Variants in ZNF521 observed in about 807,000 individuals in gnomAD.
ZNF521 encodes LYST-interacting protein 3.
ZNF521 carries 14 observed loss-of-function variants against 105.5 expected under a neutral mutation model. The observed-to-expected ratio is 0.13, with a 90% CI of 0.09 to 0.21. ZNF521 has a LOEUF of 0.21. Among genes scored for constraint, ZNF521 ranks in the 10% least tolerant of loss-of-function variants. The pLI is 1.00. For missense variants in ZNF521, 1,233 were observed against 1,629.7 expected (o/e 0.76, Z 4.19); for synonymous variants, 635 against 606.0 (o/e 1.05, Z -0.70).
At chr18:25,137,901 T>TTA (rs2034767389) in intron 5 of ZNF521, among the ~76,000 whole-genome samples, 1 of 152,196 alleles carries the variant, frequency 6.6e-6, no homozygotes, top group Non-Finnish European at 1.5e-5. Flanking sequence ...CAGCACTGTT[T>TTA]TACTAAAAGC....
intron 3 of ZNF521, among the ~76,000 whole-genome samples, chr18:25,273,220 CAAAAAAAAAA>C (rs67381140): frequency 0.086 from 3,528 of 40,926 alleles, 156 homozygotes; most frequent in African/African-American, 0.18. Context: ...ACCCTGTCTC[CAAAAAAAAAA>C]AAAAAAAAAA....
intron 5 of ZNF521, among the ~76,000 whole-genome samples, chr18:25,099,185 A>G (rs985057578): frequency 6.6e-6 from 1 of 152,180 alleles, no homozygotes; most frequent in African/African-American, 2.4e-5. Flanking sequence ...CTCAATAAAT[A>G]TTTATTGAAT....
chr18:25,124,805 G>A (rs1255946611), intron 5 of ZNF521, among the ~76,000 whole-genome samples: 1 of 152,158 alleles, frequency 6.6e-6, no homozygotes, highest in Non-Finnish European at 1.5e-5. Context: ...CTCTAACAGT[G>A]TTGATACAGC....
At chr18:25,116,886 T>C (rs868702574) in intron 5 of ZNF521, among the ~76,000 whole-genome samples, 185 of 43,236 alleles carry the variant, frequency 4.3e-3, no homozygotes, top group Admixed American at 7.7e-3. Flanking sequence ...TATATATATA[T>C]ACGTATATAT....
Position 25,139,372 on chromosome 18 carries a change from C to CAAAAAAAAAAAAAAAAAAAAAAAAAAA in ZNF521, c.3659-47318_3659-47292dup, listed in dbSNP as rs36175281. Among the ~76,000 whole-genome samples, 11 of 51,388 alleles carry CAAAAAAAAAAAAAAAAAAAAAAAAAAA rather than the reference C, an allele frequency of 2.1e-4. 1 individual carries two copies. The highest frequency in any genetic ancestry group is 3.4e-4 in the Non-Finnish European group (10 of 29,418). 33.7% of individuals were successfully genotyped at this position (51,388 alleles called of 152,430 possible). On this transcript the variant is annotated intron_variant, in intron 5 of 7. Coordinates refer to ENST00000361524, the MANE Select transcript of ZNF521 (RefSeq NM_015461.3). ...TGGGCGACAGAGCAAGACTCTGTCT[C>CAAAAAAAAAAAAAAAAAAAAAAAAAAA]AAAAAAAAAAAAAAAAAAAAAAAAA... is the stretch of plus-strand genomic sequence containing the variant.
At chr18:25,163,766 C>T (rs1160844390) in intron 5 of ZNF521, among the ~76,000 whole-genome samples, 1 of 152,114 alleles carries the variant, frequency 6.6e-6, no homozygotes. Flanking sequence ...TGCTGTGTTG[C>T]AGGTATGGGG....
At chr18:25,125,021 A>G (rs189914603) in intron 5 of ZNF521, among the ~76,000 whole-genome samples, 3 of 152,268 alleles carry the variant, frequency 2.0e-5, no homozygotes, top group East Asian at 1.9e-4. Flanking sequence ...AGTATATATA[A>G]AAGTGATTTC....
At chr18:25,205,995 T>A (rs531473703) in intron 4 of ZNF521, among the ~76,000 whole-genome samples, 1 of 152,048 alleles carries the variant, frequency 6.6e-6, no homozygotes, top group African/African-American at 2.4e-5. Flanking sequence ...TCATTTTTTT[T>A]TAATTTGTTT....
In ZNF521 at chr18:25,198,062, C is replaced by T. The variant is rs927175259; in HGVS notation, c.3574-2818G>A. Reference sequence around the variant, plus strand: ...TCCATTGTTTGGGCCCCAGATTGGCCTTTATCAACGCTTAAGTTGTCAATT... The same window carrying T: ...TCCATTGTTTGGGCCCCAGATTGGCTTTTATCAACGCTTAAGTTGTCAATT... On this transcript the variant is annotated intron_variant, in intron 4 of 7. Transcript: ENST00000361524. Among the ~76,000 whole-genome samples the T allele has an allele frequency of 2.6e-5, 4 of 151,774 alleles. No individual in the cohort carries two copies. In the South Asian group the frequency reaches 8.3e-4, roughly 31 times the overall value.
chr18:25,099,978 T>C (rs4306594), intron 5 of ZNF521, among the ~76,000 whole-genome samples: 152,219 of 152,338 alleles, frequency 1, 76,050 homozygotes, highest in Middle Eastern at 1. Flanking sequence ...TTCCACACAG[T>C]GGGGGGCCCG....
chr18:25,179,945 A>G (rs2035602327), intron 5 of ZNF521, among the ~76,000 whole-genome samples: 1 of 152,224 alleles, frequency 6.6e-6, no homozygotes, highest in Non-Finnish European at 1.5e-5. Flanking sequence ...TTACTGACAG[A>G]AAATCTGAAT....
chr18:25,190,820 G>A (rs1315876902), intron 5 of ZNF521, among the ~76,000 whole-genome samples: 1 of 152,162 alleles, frequency 6.6e-6, no homozygotes, highest in Non-Finnish European at 1.5e-5. Flanking sequence ...TATATCATGT[G>A]TAACACAACA....
intron 6 of ZNF521, among the ~76,000 whole-genome samples, chr18:25,091,482 T>C (rs779215466): frequency 1.3e-5 from 2 of 152,066 alleles, no homozygotes; most frequent in Non-Finnish European, 2.9e-5. Flanking sequence ...GTCAGAGAAT[T>C]TGGGGTGAGT....
At chr18:25,284,832 G>A (rs1013434065) in intron 3 of ZNF521, among the ~76,000 whole-genome samples, 7 of 151,934 alleles carry the variant, frequency 4.6e-5, no homozygotes, top group Non-Finnish European at 7.4e-5. Context: ...ACCTAAAAAT[G>A]AAAACAACTT....
intron 5 of ZNF521, among the ~76,000 whole-genome samples, chr18:25,134,375 GTTA>G (rs1157703661): frequency 6.6e-6 from 1 of 152,162 alleles, no homozygotes; most frequent in African/African-American, 2.4e-5. Context: ...CTACTGCTCA[GTTA>G]GATCGATGGC....
chr18:25,129,265 A>ATT (rs2034594528), intron 5 of ZNF521, among the ~76,000 whole-genome samples: 5 of 30,774 alleles, frequency 1.6e-4, no homozygotes, highest in African/African-American at 2.8e-4. Context: ...TAATAATAAT[A>ATT]ATTATTATTA....
chr18:25,263,356 CT>C (rs57232409), intron 3 of ZNF521, among the ~76,000 whole-genome samples: 12 of 147,794 alleles, frequency 8.1e-5, no homozygotes, highest in African/African-American at 1.2e-4. Flanking sequence ...CAATAACTTG[CT>C]TTTTTTTTTG....
In ZNF521 at chr18:25,226,247, T is replaced by A; in HGVS notation, c.1671A>T (p.Val557=). 6.2e-7 allele frequency: 1 copy of A among 1,614,188 alleles called. No homozygotes were observed. The highest frequency in any genetic ancestry group is 1.3e-5 in the African/African-American group (1 of 75,054). ...PVLGTPKEPV[V]EVYSCSYCTN... ...TACAATAGGAACAAGAATAGACTTC[T>A]ACTACTGGTTCTTTGGGAGTCCCAA... The change falls in exon 4 of 8, where the codon GTA becomes GTT. Residue 557 remains valine, a synonymous_variant. Coordinates refer to ENST00000361524, the MANE Select transcript of ZNF521 (RefSeq NM_015461.3). The surrounding 1 kb of genome is among the most constrained non-coding windows in gnomAD (Gnocchi z 4.1).
intron 2 of ZNF521, among the ~76,000 whole-genome samples, chr18:25,338,259 T>TTGTGTGTGTGTGTGTG (rs34813730): frequency 0.023 from 3,194 of 136,518 alleles, 92 homozygotes; most frequent in Middle Eastern, 0.052. Flanking sequence ...TCATAGACTT[T>TTGTGTGTGTGTGTGTG]TGTGTGTGTG....
Sources: gnomAD v4.1 joint callset for allele counts (sites outside exome capture counted in the v4.1 genomes callset) on GRCh38, gnomAD v4.1.1 for gene constraint, Gnocchi (gnomAD v3.1) non-coding constraint, MANE v1.5 for transcripts, NCBI Gene and HGNC (gene_info 2026-07-23, HGNC 2026-07-21) for gene names.